ANK2: variants seen among roughly 807,000 people sequenced by gnomAD.
The protein encoded by ANK2 is ankyrin-2.
ANK2 carries 83 observed loss-of-function variants against 360.5 expected under a neutral mutation model. That is an observed-to-expected ratio of 0.23 (90% confidence interval 0.19 to 0.28). The LOEUF is 0.28. Ranked by LOEUF, ANK2 falls within the 10% of genes least tolerant of loss-of-function variation. The pLI is 1.00. For synonymous variants in ANK2, 1,740 were observed against 1,759.5 expected (o/e 0.99, Z 0.28); for missense variants, 4,201 against 4,795.7 (o/e 0.88, Z 3.66).
chr4:113,001,057 G>C (rs902915227), intron 2 of ANK2, among the ~76,000 whole-genome samples: 11 of 151,944 alleles, frequency 7.2e-5, no homozygotes, highest in South Asian at 2.1e-4. Context: ...ATGTGAGGTC[G>C]GGCACGGTGG....
chr4:112,966,517 A>G (rs976038801), intron 2 of ANK2, among the ~76,000 whole-genome samples: 4 of 152,006 alleles, frequency 2.6e-5, no homozygotes, highest in Non-Finnish European at 5.9e-5. Context: ...ATAAAAATTA[A>G]TCTTTTAACT....
At chr4:112,833,796 C>T (rs1239861326) in intron 1 of ANK2, among the ~76,000 whole-genome samples, 2 of 152,232 alleles carry the variant, frequency 1.3e-5, no homozygotes, top group African/African-American at 2.4e-5. Context: ...AGCCACCGCA[C>T]TCGGCCGGAA....
intron 1 of ANK2, among the ~76,000 whole-genome samples, chr4:112,824,124 G>A (rs144759593): frequency 1.3e-5 from 2 of 150,248 alleles, no homozygotes; most frequent in African/African-American, 2.5e-5. Flanking sequence ...TGGATGTGTT[G>A]TAGGTCTTCA....
rs1248400424 is a variant in ANK2, at chr4:113,354,966, T to C, written c.6348T>C (p.Ala2116=). ...GCGAAGTGCCCAAAGAAAAGATGGC[T>C]GATGAGCAGGGAGACATGGATCTAC... ...RESEVPKEKM[A]DEQGDMDLQI... is the part of the protein sequence containing the mutation. Residue 2116 remains alanine, a synonymous_variant, in exon 38 of 46, where the codon GCT becomes GCC. Transcript: ENST00000357077. 1.2e-6 allele frequency: 2 copies of C among 1,613,594 alleles called. No individual in the cohort carries two copies. The highest frequency in any genetic ancestry group is 3.3e-5 in the Admixed American group (2 of 59,964).
At chr4:112,973,932 A>C (rs555099924) in intron 2 of ANK2, among the ~76,000 whole-genome samples, 1 of 152,228 alleles carries the variant, frequency 6.6e-6, no homozygotes, top group Non-Finnish European at 1.5e-5. Context: ...TCTACAAGCT[A>C]TCACACTAAA....
chr4:113,096,417 A>C (rs1210550878), intron 1 of ANK2, among the ~76,000 whole-genome samples: 1 of 152,178 alleles, frequency 6.6e-6, no homozygotes, highest in Non-Finnish European at 1.5e-5. Flanking sequence ...TGGGCTCAGG[A>C]ATCCAGGGTC....
intron 1 of ANK2, among the ~76,000 whole-genome samples, chr4:112,874,538 A>C (rs12498428): frequency 0.21 from 30,594 of 149,132 alleles, 3,203 homozygotes; most frequent in Non-Finnish European, 0.22. Flanking sequence ...GCTACTTGGG[A>C]GGCTGAGGCA....
chr4:112,850,851 A>G (rs1401279426), intron 1 of ANK2, among the ~76,000 whole-genome samples: 5 of 151,798 alleles, frequency 3.3e-5, no homozygotes, highest in Non-Finnish European at 4.4e-5. Flanking sequence ...GATGCACGAG[A>G]ATGCTTTAGT....
chr4:113,143,680 T>C (rs2096727033), intron 1 of ANK2, among the ~76,000 whole-genome samples: 1 of 152,224 alleles, frequency 6.6e-6, no homozygotes. Flanking sequence ...ATAGTTCATA[T>C]ATGTTCAAGA....
At position 113,353,251 on chromosome 4, in the gene ANK2, C is replaced by G. The variant is rs760684730; in HGVS notation, c.4633C>G (p.Pro1545Ala). ...GCTGGTGAAGGCTGCTGAGGAAGAG[C>G]CAGGAGAGCCTTTTGAAATCGTTGA... ...KELVKAAEEE[P>A]GEPFEIVERV... The change falls in exon 38 of 46, where the codon CCA (proline) becomes GCA (alanine). Residue 1545 changes from proline (P) to alanine (A), a missense_variant. Physicochemically the swap from Pro to Ala is conservative, Grantham distance 27 (BLOSUM62 -1). This residue lies in a region of ANK2 where 1,268 missense variants were observed against 1,650.8 expected (regional missense o/e 0.77). Transcript: ENST00000357077. 2 of 1,613,888 alleles carry G rather than the reference C, an allele frequency of 1.2e-6. No homozygotes were observed. The highest frequency in any genetic ancestry group is 1.1e-5 in the South Asian group (1 of 91,064).
chr4:113,194,850 AT>A (rs2098725262), intron 2 of ANK2, among the ~76,000 whole-genome samples: 3 of 152,268 alleles, frequency 2.0e-5, no homozygotes, highest in Admixed American at 2.0e-4. Flanking sequence ...TGACTTATCA[AT>A]AGTATCCTGC....
At chr4:112,934,532 T>TCAACATTTAGTCA (rs1386498242) in intron 2 of ANK2, among the ~76,000 whole-genome samples, 7 of 152,234 alleles carry the variant, frequency 4.6e-5, no homozygotes, top group African/African-American at 7.2e-5. Flanking sequence ...AATTCAGTGG[T>TCAACATTTAGTCA]ATTTATTAGA....
chr4:112,861,225 AGCTGG>A (rs932761853), intron 1 of ANK2, among the ~76,000 whole-genome samples: 21 of 152,232 alleles, frequency 1.4e-4, no homozygotes, highest in African/African-American at 5.1e-4. Flanking sequence ...AGACCTAATT[AGCTGG>A]GCTACACTCA....
intron 1 of ANK2, among the ~76,000 whole-genome samples, chr4:113,087,893 C>T (rs2154351568): frequency 6.6e-6 from 1 of 152,232 alleles, no homozygotes; most frequent in South Asian, 2.1e-4. Context: ...TGTCTTGCAA[C>T]TAGGCTGAAA....
chr4:113,345,582 A>C (rs1455784914), intron 34 of ANK2, among the ~76,000 whole-genome samples: 2 of 152,200 alleles, frequency 1.3e-5, no homozygotes, highest in Non-Finnish European at 2.9e-5. Context: ...ACCACAAAAA[A>C]GGGGGATGAG....
upstream of ANK2, among the ~76,000 whole-genome samples, chr4:113,045,253 C>T (rs1044231722): frequency 6.6e-6 from 1 of 152,266 alleles, no homozygotes; most frequent in East Asian, 1.9e-4. Flanking sequence ...AACTCCATGC[C>T]TATAAAATAT....
At chr4:113,341,632 A>AT (rs2094315881) in intron 32 of ANK2, 56 bp from the exon 33 acceptor site, 7 of 1,571,120 alleles carry the variant, frequency 4.5e-6, no homozygotes, top group Non-Finnish European at 6.1e-6. Flanking sequence ...AACTGATTTT[A>AT]TTTTTCACAT....
At chr4:113,216,423 T>G (rs554306612) in intron 4 of ANK2, among the ~76,000 whole-genome samples, 2 of 152,350 alleles carry the variant, frequency 1.3e-5, no homozygotes, top group Non-Finnish European at 2.9e-5. Context: ...AACACCCTGA[T>G]TCTTTACTTA....
At chr4:113,374,888 A>C in intron 45 of ANK2, 4 of 1,260,716 alleles carry the variant, frequency 3.2e-6, no homozygotes, top group Non-Finnish European at 4.1e-6. Flanking sequence ...ATGGAGAAAC[A>C]TCTGGGGGAT....
Sources: allele counts gnomAD v4.1 joint callset (sites outside exome capture counted in the v4.1 genomes callset), GRCh38; gene constraint gnomAD v4.1.1; regional missense constraint gnomAD v4.1.1; transcripts MANE v1.5; gene names NCBI Gene and HGNC (gene_info 2026-07-23, HGNC 2026-07-21).